Variants in HS6ST2 observed in about 807,000 individuals in gnomAD.
The protein encoded by HS6ST2 is heparan sulfate 6-O-sulfotransferase 2, also known as heparan-sulfate 6-O-sulfotransferase 2.
HS6ST2 carries 17 observed loss-of-function variants against 33.0 expected under a neutral mutation model. The observed-to-expected ratio is 0.52, with a 90% CI of 0.35 to 0.77. The LOEUF (loss-of-function observed/expected upper bound fraction) is 0.77. HS6ST2 is among the 30% of genes least tolerant of loss of function. The pLI is 0.01. For missense variants in HS6ST2, 519 were observed against 551.7 expected, an observed-to-expected ratio of 0.94 and a Z score of 0.59; for synonymous variants, 248 against 237.1, an observed-to-expected ratio of 1.05 and a Z score of -0.42.
intron 2 of HS6ST2, among the ~76,000 whole-genome samples, chrX:132,849,355 GA>G (rs368833863): frequency 1.8e-5 from 2 of 110,643 alleles, no homozygotes; most frequent in Non-Finnish European, 3.8e-5. Context: ...GGTGTATACA[GA>G]AAAAAAATCA....
At chrX:132,771,079 G>A (rs1327773637) in intron 2 of HS6ST2, among the ~76,000 whole-genome samples, 1 of 111,190 alleles carries the variant, frequency 9.0e-6, no homozygotes, top group Non-Finnish European at 1.9e-5. Context: ...AGGAGAGGAG[G>A]CATGGACTAT....
intron 2 of HS6ST2, among the ~76,000 whole-genome samples, chrX:132,787,290 A>AAT (rs750372711): frequency 1.4e-3 from 126 of 90,738 alleles, no homozygotes; most frequent in African/African-American, 5.0e-3. Flanking sequence ...ATATTTATAT[A>AAT]ATATATATAT....
rs146359242 is a variant in HS6ST2 at position 132,749,621 on chromosome X, G to A, written c.948-41127C>T. ...GCTAAGTGACTGACACCCCTGAGCCGCAGGCCACGTGCTTATGGGAAATGG... is the reference window on the plus strand; with the variant it reads ...GCTAAGTGACTGACACCCCTGAGCCACAGGCCACGTGCTTATGGGAAATGG... On this transcript the variant is annotated intron_variant, in intron 2 of 4. Transcript: ENST00000370833. Among the ~76,000 whole-genome samples the A allele has an allele frequency of 4.5e-3, 501 of 112,113 alleles. 2 individuals are homozygous for A. Among genetic ancestry groups the A allele is most frequent in the African/African-American group, 0.016 (486 of 30,842 alleles).
chrX:132,664,620 T>C (rs924846793), intron 4 of HS6ST2, among the ~76,000 whole-genome samples: 16 of 111,752 alleles, frequency 1.4e-4, no homozygotes, highest in Non-Finnish European at 1.3e-4. Context: ...GCTTAATTCA[T>C]TTAACCCATC....
At chrX:132,844,928 C>G (rs2065737882) in intron 2 of HS6ST2, among the ~76,000 whole-genome samples, 1 of 109,347 alleles carries the variant, frequency 9.1e-6, no homozygotes, top group Admixed American at 9.8e-5. Flanking sequence ...AATAAAGTTT[C>G]CAACTTTATT....
At chrX:132,931,955 G>T (rs1274981730) in intron 2 of HS6ST2, among the ~76,000 whole-genome samples, 1 of 108,956 alleles carries the variant, frequency 9.2e-6, no homozygotes, top group Non-Finnish European at 1.9e-5. Flanking sequence ...GGGAGCCGAA[G>T]GTGGGCGGAT....
chrX:132,718,883 C>T (rs913260892), intron 2 of HS6ST2, among the ~76,000 whole-genome samples: 2 of 111,163 alleles, frequency 1.8e-5, no homozygotes, highest in African/African-American at 6.6e-5. Context: ...CTCTCTCTCT[C>T]TCTCTTTGAA....
chrX:132,819,176 A>G (rs2065426810), intron 2 of HS6ST2, among the ~76,000 whole-genome samples: 1 of 111,009 alleles, frequency 9.0e-6, no homozygotes. Flanking sequence ...AAAGATTTAG[A>G]GGATGTTGCA....
chrX:132,899,943 C>A (rs935611947), intron 2 of HS6ST2, among the ~76,000 whole-genome samples: 1 of 110,752 alleles, frequency 9.0e-6, no homozygotes, highest in Admixed American at 9.6e-5. Flanking sequence ...GACACCTTAT[C>A]ATTCTATTTA....
intron 4 of HS6ST2, among the ~76,000 whole-genome samples, chrX:132,664,903 C>A (rs2063798455): frequency 8.9e-6 from 1 of 111,833 alleles, no homozygotes; most frequent in Admixed American, 9.5e-5. Flanking sequence ...GTTTGTCTAT[C>A]TACCTATCTA....
chrX:132,958,397 T>A lies in HS6ST2; in HGVS notation c.206A>T (p.Asp69Val), dbSNP rs760308911. The A allele has an allele frequency of 8.3e-7, 1 of 1,197,863 alleles. No homozygotes were observed. Among genetic ancestry groups the A allele is most frequent in the South Asian group, 1.8e-5 (1 of 56,128 alleles). The stretch of plus-strand genomic sequence containing the variant: ...GGAAGAAGACGCCTTTCGGGGCTTG[T>A]CCAGGAGCGGCCGGGTGTGGAATCC... ...SHGFHTRPLL[D>V]KPRKASSSLA... The change falls in exon 1 of 5, where the codon GAC becomes GTC. Residue 69 changes from aspartate (D) to valine (V), a missense_variant. Coordinates refer to ENST00000370833, the MANE Select transcript of HS6ST2 (RefSeq NM_001394073.1).
rs181387222 is a variant in HS6ST2 at position 132,826,866 on chromosome X, G to A, written c.948-118372C>T. Among the ~76,000 whole-genome samples the A allele has an allele frequency of 2.7e-4, 30 of 111,113 alleles. No homozygotes were observed. In the East Asian group the frequency reaches 7.6e-3, roughly 28 times the overall value. ...TGGAGGGAATGGGAGCTCCTGATCC[G>A]TATGCCAGCTGGGGACCTGTCTACA... On this transcript the variant is annotated intron_variant, in intron 2 of 4. Coordinates refer to ENST00000370833, the MANE Select transcript of HS6ST2 (RefSeq NM_001394073.1).
At chrX:132,733,978 T>C (rs2064482885) in intron 2 of HS6ST2, among the ~76,000 whole-genome samples, 1 of 102,546 alleles carries the variant, frequency 9.8e-6, no homozygotes, top group Non-Finnish European at 2.0e-5. Flanking sequence ...TATTTTAGGG[T>C]CATGTGAAGT....
intron 2 of HS6ST2, among the ~76,000 whole-genome samples, chrX:132,727,239 G>C (rs967564597): frequency 8.9e-5 from 9 of 101,011 alleles, no homozygotes; most frequent in Admixed American, 2.1e-4. Context: ...GCATTATTGG[G>C]GGGGGGGGCA....
intron 2 of HS6ST2, among the ~76,000 whole-genome samples, chrX:132,903,202 C>T (rs896090465): frequency 1.3e-4 from 14 of 111,115 alleles, no homozygotes; most frequent in Admixed American, 8.6e-4. Context: ...ACAATAGCAT[C>T]GCTAGAAATT....
At chrX:132,893,093 G>A (rs1342867675) in intron 2 of HS6ST2, among the ~76,000 whole-genome samples, 1 of 112,219 alleles carries the variant, frequency 8.9e-6, no homozygotes, top group Non-Finnish European at 1.9e-5. Flanking sequence ...AGGGCCAACT[G>A]TGTACATACT....
intron 4 of HS6ST2, among the ~76,000 whole-genome samples, chrX:132,650,170 T>C: frequency 9.0e-6 from 1 of 111,645 alleles, no homozygotes. Flanking sequence ...CAGCGTCCCC[T>C]AAGAGAAGTC....
At chrX:132,718,879 C>T (rs186404983) in intron 2 of HS6ST2, among the ~76,000 whole-genome samples, 22 of 111,267 alleles carry the variant, frequency 2.0e-4, no homozygotes, top group Non-Finnish European at 4.0e-4. Flanking sequence ...CTCTCTCTCT[C>T]TCTCTCTCTT....
At chrX:132,815,323 C>T (rs752038084) in intron 2 of HS6ST2, among the ~76,000 whole-genome samples, 1 of 111,925 alleles carries the variant, frequency 8.9e-6, no homozygotes, top group South Asian at 3.7e-4. Flanking sequence ...ATTTTAAGTA[C>T]TTCATATAGA....
Sources: gnomAD v4.1 joint callset for allele counts (sites outside exome capture counted in the v4.1 genomes callset) on GRCh38, gnomAD v4.1.1 for gene constraint, MANE v1.5 for transcripts, NCBI Gene and HGNC (gene_info 2026-07-23, HGNC 2026-07-21) for gene names.